ZNF468: variants seen among roughly 807,000 people sequenced by gnomAD.
ZNF468 encodes the protein zinc finger protein ZNF468.
A neutral mutation model predicts 7.2 loss-of-function variants in ZNF468; 8 were observed. The observed-to-expected ratio is 1.11, with a 90% CI of 0.65 to 2.01. ZNF468 has a LOEUF of 2.01. Among genes scored for constraint, ZNF468 ranks in the 30% most tolerant of loss-of-function variants. The pLI is 0.00. For synonymous variants in ZNF468, 218 were observed against 214.4 expected, an observed-to-expected ratio of 1.02 and a Z score of -0.15; for missense variants, 608 against 626.5, an observed-to-expected ratio of 0.97 and a Z score of 0.31.
intron 2 of ZNF468, among the ~76,000 whole-genome samples, chr19:52,852,914 G>A (rs922945684): frequency 6.6e-6 from 1 of 151,308 alleles, no homozygotes; most frequent in African/African-American, 2.4e-5. Context: ...GAGTGCAGTG[G>A]TGCAATCTCA....
intron 2 of ZNF468, 181 bp downstream of exon 2, chr19:52,854,077 G>C (rs1161942880): frequency 1.8e-5 from 28 of 1,522,690 alleles, no homozygotes; most frequent in Non-Finnish European, 2.5e-5. Context: ...CTCTTCCCAA[G>C]TTCATGACAC....
At position 52,838,877 on chromosome 19, in the gene ZNF468, A is replaced by G. The variant is rs1325912349; in HGVS notation, c.*1848T>C. On this transcript the variant is annotated 3_prime_UTR_variant, in exon 4 of 4. Transcript: ENST00000595646. ...AATCCCATACTGATTGGAAAAATGA[A>G]TATCGCTCAATGATTATATACTCAA... 1 of 152,168 alleles carries G rather than the reference A, an allele frequency of 6.6e-6. No homozygotes were observed. The highest frequency in any genetic ancestry group is 1.5e-5 in the Non-Finnish European group (1 of 68,034). The allele number at this position is 152,168 out of a possible 1,614,324, so 9.4% of individuals were successfully genotyped here.
rs756701199 is a variant in ZNF468, at chr19:52,842,083, T to C, written c.211A>G (p.Thr71Ala). 3 of 1,613,674 alleles carry C rather than the reference T, an allele frequency of 1.9e-6. No individual in the cohort carries two copies. Among genetic ancestry groups the C allele is most frequent in the South Asian group, 2.2e-5 (2 of 91,022 alleles). The change falls in exon 4 of 4, where the codon ACA becomes GCA. Residue 71 changes from threonine to alanine, a missense_variant. Physicochemically the swap from Thr to Ala is moderately conservative, Grantham distance 58. Transcript: ENST00000595646. ...TGQGNTEVIH[T>A]GTLHRQASHH... Reference sequence around the variant, plus strand: ...CTTGCTTGTCTGTGCAATGTCCCTGTGTGGATCACTTCTGTATTGCCTTGC... The same window carrying C: ...CTTGCTTGTCTGTGCAATGTCCCTGCGTGGATCACTTCTGTATTGCCTTGC...
chr19:52,854,378 G>C (rs936192899), intron 1 of ZNF468, 33 bp from the exon 2 acceptor site: 2 of 1,571,190 alleles, frequency 1.3e-6, no homozygotes, highest in African/African-American at 2.7e-5. Context: ...TTATCACTCA[G>C]AATCAACACA....
intron 3 of ZNF468, among the ~76,000 whole-genome samples, chr19:52,846,955 C>A (rs1286466005): frequency 6.6e-6 from 1 of 151,964 alleles, no homozygotes; most frequent in Non-Finnish European, 1.5e-5. Flanking sequence ...TAGCCAAGAT[C>A]ATATCACTGC....
rs1704508663 is a variant in ZNF468, at chr19:52,854,277, G to A, written c.-5C>T. 1 of 1,613,776 alleles carries A rather than the reference G, an allele frequency of 6.2e-7. No individual in the cohort carries two copies. The highest frequency in any genetic ancestry group is 8.5e-7 in the Non-Finnish European group (1 of 1,179,824). On this transcript the variant is annotated 5_prime_UTR_variant, in exon 2 of 4. Transcript: ENST00000595646. ...TCTCACCTGAGGAAGAGCCATCCCT[G>A]ACTCCTTTGCTTTCCTCTTCCTCTT... is the stretch of plus-strand genomic sequence containing the variant.
At chr19:52,853,351 T>C (rs2063406568) in intron 2 of ZNF468, among the ~76,000 whole-genome samples, 1 of 152,030 alleles carries the variant, frequency 6.6e-6, no homozygotes, top group Admixed American at 6.6e-5. Context: ...ACAAAACAAA[T>C]ATATATATCA....
chr19:52,839,682 T>A lies in ZNF468; in HGVS notation c.*1043A>T, dbSNP rs1374624258. On this transcript the variant is annotated 3_prime_UTR_variant, in exon 4 of 4. Transcript: ENST00000595646. ...GAGGTGTGAATGTGAAGTAAACGCT[T>A]TGCCACAATCATCACACTTGTGAGG... is the stretch of plus-strand genomic sequence containing the variant. The A allele has an allele frequency of 1.8e-6, 1 of 544,488 alleles. No individual in the cohort carries two copies. Among genetic ancestry groups the A allele is most frequent in the African/African-American group, 1.9e-5 (1 of 52,314 alleles). The allele number at this position is 544,488 out of a possible 1,614,324, so 33.7% of individuals were successfully genotyped here.
chr19:52,849,986 C>G (rs2063373334), intron 2 of ZNF468, among the ~76,000 whole-genome samples: 1 of 151,824 alleles, frequency 6.6e-6, no homozygotes, highest in South Asian at 2.1e-4. Flanking sequence ...AATAATAAAA[C>G]CTACAGAGAC....
intron 1 of ZNF468, among the ~76,000 whole-genome samples, chr19:52,855,107 G>T (rs976195760): frequency 2.0e-5 from 3 of 151,758 alleles, no homozygotes; most frequent in Non-Finnish European, 4.4e-5. Flanking sequence ...GAACCCAGGA[G>T]ATACAGGTTG....
Position 52,841,385 on chromosome 19 carries a change from T to G in ZNF468, c.909A>C (p.Glu303Asp). 6.2e-7 allele frequency: 1 copy of G among 1,613,810 alleles called. No homozygotes were observed. The highest frequency in any genetic ancestry group is 8.5e-7 in the Non-Finnish European group (1 of 1,179,920). The change falls in exon 4 of 4, where the codon GAA (glutamate) becomes GAC (aspartate). Residue 303 changes from glutamate (E) to aspartate (D), a missense_variant. Coordinates refer to ENST00000595646, the MANE Select transcript of ZNF468 (RefSeq NM_001008801.2). ...HTGEKPYECE[E>D]CDKVFSRKSH... ...ATTTGCGACTGAAAACTTTGTCACA[T>G]TCTTCACATTCATAAGGTTTCTCTC...
At chr19:52,850,905 A>T (rs944236884) in intron 2 of ZNF468, among the ~76,000 whole-genome samples, 14 of 151,110 alleles carry the variant, frequency 9.3e-5, no homozygotes, top group Admixed American at 3.3e-4. Context: ...TCTTGAAAAT[A>T]AAAATAATAA....
chr19:52,841,865 G>C lies in ZNF468; in HGVS notation c.429C>G (p.Ser143Arg). 6.2e-7 allele frequency: 1 copy of C among 1,614,094 alleles called. No homozygotes were observed. Among genetic ancestry groups the C allele is most frequent in the Non-Finnish European group, 8.5e-7 (1 of 1,180,012 alleles). ...NKRIKDQLGSSFHLHLPEPHI... is the reference protein window; with the variant it reads ...NKRIKDQLGSRFHLHLPEPHI... Reference sequence around the variant, plus strand: ...GCGGTTCAGGCAGATGCAAATGAAAGCTTGATCCAAGCTGATCTTTAATAC... The same window carrying C: ...GCGGTTCAGGCAGATGCAAATGAAACCTTGATCCAAGCTGATCTTTAATAC... Residue 143 changes from serine (S) to arginine (R), a missense_variant, in exon 4 of 4, where the codon AGC becomes AGG. Physicochemically the swap from Ser to Arg is moderately radical, Grantham distance 110 (BLOSUM62 -1). Coordinates refer to ENST00000595646, the MANE Select transcript of ZNF468 (RefSeq NM_001008801.2).
chr19:52,850,842 T>C (rs183063618), intron 2 of ZNF468, among the ~76,000 whole-genome samples: 3,075 of 151,620 alleles, frequency 0.02, 114 homozygotes, highest in African/African-American at 0.071. Flanking sequence ...GAGCTTGCAG[T>C]GAGCCGAGAT....
At chr19:52,844,684 G>A (rs1375905051) in intron 3 of ZNF468, among the ~76,000 whole-genome samples, 1 of 152,020 alleles carries the variant, frequency 6.6e-6, no homozygotes, top group Non-Finnish European at 1.5e-5. Context: ...GATTACAGGT[G>A]CACACCACCA....
chr19:52,850,759 C>A (rs1164301107), intron 2 of ZNF468, among the ~76,000 whole-genome samples: 1 of 151,512 alleles, frequency 6.6e-6, no homozygotes, highest in Non-Finnish European at 1.5e-5. Flanking sequence ...ATTAGCCGGG[C>A]GTGGTGGCGG....
rs568485455 is a variant in ZNF468 at position 52,841,560 on chromosome 19, C to T, written c.734G>A (p.Cys245Tyr). The stretch of plus-strand genomic sequence containing the variant: ...ATTAAAGACCTTGCCACATACATCA[C>T]ATTTACATTGTTTCTCTTCTAAGTG... ...IIHLEEKQCKCDVCGKVFNQK... is the reference protein window; with the variant it reads ...IIHLEEKQCKYDVCGKVFNQK... Residue 245 changes from cysteine (C) to tyrosine (Y), a missense_variant, in exon 4 of 4, where the codon TGT becomes TAT. By Grantham distance (194) the Cys-to-Tyr change is radical. Transcript: ENST00000595646. 2 of 1,614,090 alleles carry T rather than the reference C, an allele frequency of 1.2e-6. No homozygotes were observed. The highest frequency in any genetic ancestry group is 1.1e-5 in the South Asian group (1 of 91,054).
rs1485997253 is a variant in ZNF468, at chr19:52,840,411, A to C, written c.*314T>G. ...TATAATGAGTTTCTCTCCAGTGTGAATTCTAGTATGTTTTGCCAGATATGC... is the reference window on the plus strand; with the variant it reads ...TATAATGAGTTTCTCTCCAGTGTGACTTCTAGTATGTTTTGCCAGATATGC... On this transcript the variant is annotated 3_prime_UTR_variant, in exon 4 of 4. Coordinates refer to ENST00000595646, the MANE Select transcript of ZNF468 (RefSeq NM_001008801.2). The C allele has an allele frequency of 1.9e-5, 10 of 533,824 alleles. No homozygotes were observed. In the East Asian group the frequency reaches 3.5e-4, roughly 19 times the overall value. 33.1% of individuals were successfully genotyped at this position (533,824 alleles called of 1,614,324 possible).
Position 52,841,490 on chromosome 19 carries a change from C to G in ZNF468, c.804G>C (p.Glu268Asp). The G allele has an allele frequency of 6.2e-7, 1 of 1,614,170 alleles. No individual in the cohort carries two copies. Among genetic ancestry groups the G allele is most frequent in the Non-Finnish European group, 8.5e-7 (1 of 1,180,032 alleles). Residue 268 changes from glutamate to aspartate, a missense_variant, in exon 4 of 4, where the codon GAG (glutamate) becomes GAC (aspartate). By Grantham distance (45) the Glu-to-Asp change is conservative. Transcript: ENST00000595646. Reference protein sequence around the residue: ...LACHRRCHTGEKPYKCNECGK... With the variant: ...LACHRRCHTGDKPYKCNECGK... ...CACACTCATTACACTTGTAAGGTTT[C>G]TCACCAGTGTGACATCTACGATGGC...
Sources: gnomAD v4.1 joint callset for allele counts (sites outside exome capture counted in the v4.1 genomes callset) on GRCh38, gnomAD v4.1.1 for gene constraint, MANE v1.5 for transcripts, NCBI Gene and HGNC (gene_info 2026-07-23, HGNC 2026-07-21) for gene names.